Variants in NCKAP5 observed in about 807,000 individuals in gnomAD.
The protein encoded by NCKAP5 is nck-associated protein 5.
In NCKAP5, 92 loss-of-function variants were observed where a neutral mutation model predicts 167.0. The ratio of observed to expected loss-of-function variants is 0.55; its 90% CI spans 0.47 to 0.66. The LOEUF (loss-of-function observed/expected upper bound fraction) is 0.66. Among genes scored for constraint, NCKAP5 ranks in the 30% least tolerant of loss-of-function variants. The pLI is 0.00. For missense variants in NCKAP5, 2,378 were observed against 2,315.0 expected (o/e 1.03, Z -0.56); for synonymous variants, 891 against 877.4 (o/e 1.02, Z -0.27).
chr2:132,740,562 A>G (rs2105575846), intron 16 of NCKAP5, among the ~76,000 whole-genome samples: 1 of 152,260 alleles, frequency 6.6e-6, no homozygotes, highest in Middle Eastern at 3.4e-3. Flanking sequence ...TATACTGGTT[A>G]TTTATTCACA....
At chr2:133,330,868 G>C (rs138480427) in intron 3 of NCKAP5, among the ~76,000 whole-genome samples, 60 of 152,234 alleles carry the variant, frequency 3.9e-4, no homozygotes, top group African/African-American at 1.4e-3. Flanking sequence ...CTGTACTCTA[G>C]TCTGGGCTAC....
At chr2:133,095,169 C>T (rs1158462580) in intron 6 of NCKAP5, among the ~76,000 whole-genome samples, 2 of 152,104 alleles carry the variant, frequency 1.3e-5, no homozygotes, top group Non-Finnish European at 2.9e-5. Context: ...TGGTAAACTG[C>T]TACACAGTAA....
intron 7 of NCKAP5, among the ~76,000 whole-genome samples, chr2:132,973,097 GT>G (rs1184424187): frequency 6.6e-6 from 1 of 152,102 alleles, no homozygotes; most frequent in Non-Finnish European, 1.5e-5. Context: ...GCCTAGTTTT[GT>G]GTACAAAGGC....
chr2:132,908,575 C>T (rs1006361802), intron 8 of NCKAP5, among the ~76,000 whole-genome samples: 5 of 152,148 alleles, frequency 3.3e-5, no homozygotes, highest in Non-Finnish European at 5.9e-5. Context: ...TCTTTTAATG[C>T]TAATTGTTTT....
intron 19 of NCKAP5, among the ~76,000 whole-genome samples, chr2:132,716,373 GTTTA>G (rs1027681331): frequency 1.3e-5 from 2 of 152,090 alleles, no homozygotes; most frequent in Non-Finnish European, 2.9e-5. Flanking sequence ...CTGATTTGGT[GTTTA>G]TTTATTTAGC....
At chr2:133,323,535 A>G (rs1354922810) in intron 3 of NCKAP5, among the ~76,000 whole-genome samples, 1 of 152,234 alleles carries the variant, frequency 6.6e-6, no homozygotes, top group African/African-American at 2.4e-5. Context: ...TATGCGAACT[A>G]TATGACTGGT....
chr2:132,953,577 T>A (rs1558983952), intron 8 of NCKAP5, among the ~76,000 whole-genome samples: 1 of 151,698 alleles, frequency 6.6e-6, no homozygotes. Context: ...AATTCCAGCA[T>A]CCAGCAGGAG....
At chr2:133,647,708 A>AAAAG in the NCKAP5 span, among the ~76,000 whole-genome samples, 1,771 of 48,458 alleles carry the variant, frequency 0.037, 102 homozygotes, top group African/African-American at 0.082. Flanking sequence ...GAAGGAAAGA[A>AAAAG]AAAGAAAGGA....
At chr2:133,581,636 G>C in the NCKAP5 span, among the ~76,000 whole-genome samples, 2 of 152,154 alleles carry the variant, frequency 1.3e-5, no homozygotes, top group Non-Finnish European at 2.9e-5. Flanking sequence ...CACAGCTGCT[G>C]CTCACTGACC....
chr2:133,584,942 G>GAAGGAAGGAAGA, the NCKAP5 span, among the ~76,000 whole-genome samples: 2 of 16,028 alleles, frequency 1.2e-4, no homozygotes, highest in South Asian at 8.2e-3. Context: ...AAAAAAGAAA[G>GAAGGAAGGAAGA]AAGGAAGGAA....
intron 3 of NCKAP5, among the ~76,000 whole-genome samples, chr2:133,509,634 C>G (rs1683309537): frequency 6.6e-6 from 1 of 152,188 alleles, no homozygotes; most frequent in African/African-American, 2.4e-5. Context: ...CTCAGGAAAC[C>G]TACAGTCAGG....
chr2:133,164,381 G>GT (rs1331991229), intron 5 of NCKAP5, among the ~76,000 whole-genome samples: 1 of 152,182 alleles, frequency 6.6e-6, no homozygotes, highest in African/African-American at 2.4e-5. Flanking sequence ...TTGAATCCTG[G>GT]TTTTGACTCT....
intron 8 of NCKAP5, chr2:132,929,828 T>G (rs1696223364): frequency 6.6e-6 from 1 of 152,218 alleles, no homozygotes; most frequent in African/African-American, 2.4e-5. Context: ...CATGTCAACT[T>G]GGCTACAGTA....
chr2:133,061,996 C>T (rs2080023495), intron 6 of NCKAP5, among the ~76,000 whole-genome samples: 1 of 152,112 alleles, frequency 6.6e-6, no homozygotes, highest in Admixed American at 6.5e-5. Context: ...GCTTGCTATG[C>T]AGAATATTTT....
At chr2:132,877,274 A>C (rs1057090330) in intron 9 of NCKAP5, among the ~76,000 whole-genome samples, 5 of 152,212 alleles carry the variant, frequency 3.3e-5, no homozygotes, top group African/African-American at 9.6e-5. Flanking sequence ...GACAGGGCAG[A>C]GAATTGCAAA....
chr2:133,436,959 T>C (rs11689516), intron 3 of NCKAP5, among the ~76,000 whole-genome samples: 50,171 of 151,778 alleles, frequency 0.33, 9,370 homozygotes, highest in African/African-American at 0.52. Flanking sequence ...ATTACCCTCC[T>C]TGTAAGATTG....
At chr2:133,521,500 G>A (rs889194360) in intron 2 of NCKAP5, among the ~76,000 whole-genome samples, 2 of 152,180 alleles carry the variant, frequency 1.3e-5, no homozygotes, top group African/African-American at 2.4e-5. Context: ...CAGACTGAGC[G>A]GATTACACAA....
intron 16 of NCKAP5, among the ~76,000 whole-genome samples, chr2:132,738,421 C>G (rs115236679): frequency 2.6e-5 from 4 of 152,240 alleles, no homozygotes; most frequent in Non-Finnish European, 5.9e-5. Flanking sequence ...ATTCTAGATG[C>G]CAAGTGGAAT....
chr2:133,477,909 T>C (rs767176482), intron 3 of NCKAP5, among the ~76,000 whole-genome samples: 7 of 152,306 alleles, frequency 4.6e-5, no homozygotes, highest in South Asian at 4.1e-4. Flanking sequence ...ACCTATGAAT[T>C]ATTTATTTCT....
Sources: allele counts gnomAD v4.1 joint callset (sites outside exome capture counted in the v4.1 genomes callset), GRCh38; gene constraint gnomAD v4.1.1; transcripts MANE v1.5; gene names NCBI Gene and HGNC (gene_info 2026-07-23, HGNC 2026-07-21).